Variants in LDAH observed in about 807,000 individuals in gnomAD.
The protein encoded by LDAH is lipid droplet-associated hydrolase.
Under a neutral mutation model 29.6 loss-of-function variants are expected in LDAH, and 26 were observed. The observed-to-expected ratio is 0.88, with a 90% CI of 0.64 to 1.22. LDAH has a LOEUF of 1.22. LDAH is among the 50% of genes most tolerant of loss of function. The pLI is 0.00. For missense variants in LDAH, 344 were observed against 387.3 expected, an observed-to-expected ratio of 0.89 and a Z score of 0.94; for synonymous variants, 117 against 133.0, an observed-to-expected ratio of 0.88 and a Z score of 0.83.
chr2:20,778,123 T>C (rs1198656689), intron 3 of LDAH, among the ~76,000 whole-genome samples: 4 of 152,204 alleles, frequency 2.6e-5, no homozygotes, highest in South Asian at 2.1e-4. Flanking sequence ...ATTGTATCTA[T>C]GCAGAAAGAG....
Position 20,688,828 on chromosome 2 carries a change from C to CT in LDAH, c.787-1735dup, listed in dbSNP as rs57543886. 2.1e-3 allele frequency among the ~76,000 whole-genome samples: 235 copies of CT among 111,986 alleles called. 1 individual carries two copies. The highest frequency in any genetic ancestry group is 0.018 in the East Asian group (68 of 3,808). The allele number at this position is 111,986 out of a possible 152,430, so 73.5% of individuals were successfully genotyped here. On this transcript the variant is annotated intron_variant, in intron 6 of 6. Coordinates refer to ENST00000237822, the MANE Select transcript of LDAH (RefSeq NM_021925.4). Reference sequence around the variant, plus strand: ...CTCTGAATTGCTTCATGGAGGTTTCCTTTTTTTTTTTTTTTTTTTTTTTTT... The same window carrying CT: ...CTCTGAATTGCTTCATGGAGGTTTCCTTTTTTTTTTTTTTTTTTTTTTTTTT...
rs925119613 is a variant in LDAH, at chr2:20,702,990, C to T, written c.704-1338G>A. 2.0e-5 allele frequency among the ~76,000 whole-genome samples: 3 copies of T among 152,180 alleles called. No individual in the cohort carries two copies. In the East Asian group the frequency reaches 5.8e-4, roughly 29 times the overall value. On this transcript the variant is annotated intron_variant, in intron 5 of 6. Transcript: ENST00000237822. Reference sequence around the variant, plus strand: ...TACAGGCATGCGCCACCACACTCCGCTAATTTTGTATTTTTAGTAGAGACA... The same window carrying T: ...TACAGGCATGCGCCACCACACTCCGTTAATTTTGTATTTTTAGTAGAGACA...
rs577920223 is a variant in LDAH at position 20,781,900 on chromosome 2, C to T, written c.299-6921G>A. On this transcript the variant is annotated intron_variant, in intron 3 of 6. Transcript: ENST00000237822. ...CTCATTAGGTAGCAAAGAACCCAGACTAATTACTAAGTTATTAACTCAATA... is the reference window on the plus strand; with the variant it reads ...CTCATTAGGTAGCAAAGAACCCAGATTAATTACTAAGTTATTAACTCAATA... 1.2e-3 allele frequency among the ~76,000 whole-genome samples: 177 copies of T among 152,264 alleles called. 3 individuals are homozygous for T. The highest frequency in any genetic ancestry group is 4.0e-3 in the African/African-American group (168 of 41,550).
intron 4 of LDAH, among the ~76,000 whole-genome samples, chr2:20,772,644 A>C (rs112977749): frequency 0.015 from 2,244 of 152,278 alleles, 56 homozygotes; most frequent in African/African-American, 0.051. Context: ...GAATACAGGA[A>C]ACGTGATGGG....
At chr2:20,715,961 C>A (rs2149386410) in intron 5 of LDAH, among the ~76,000 whole-genome samples, 1 of 152,072 alleles carries the variant, frequency 6.6e-6, no homozygotes, top group East Asian at 1.9e-4. Flanking sequence ...ATGCAGCCAA[C>A]AGACACATGA....
At chr2:20,708,510 C>T (rs2149367726) in intron 5 of LDAH, among the ~76,000 whole-genome samples, 1 of 152,208 alleles carries the variant, frequency 6.6e-6, no homozygotes, top group Middle Eastern at 3.4e-3. Context: ...GCATGCAATG[C>T]AAGAAAATAC....
intron 4 of LDAH, among the ~76,000 whole-genome samples, chr2:20,760,220 G>T (rs1668590203): frequency 6.6e-6 from 1 of 152,302 alleles, no homozygotes; most frequent in African/African-American, 2.4e-5. Flanking sequence ...GCAGGGAAAA[G>T]TGACAGGGGA....
In LDAH at chr2:20,698,604, C is replaced by T. The variant is rs1663676046; in HGVS notation, c.786+2966G>A. Among the ~76,000 whole-genome samples the T allele has an allele frequency of 6.6e-6, 1 of 151,978 alleles. No individual in the cohort carries two copies. The highest frequency in any genetic ancestry group is 1.5e-5 in the Non-Finnish European group (1 of 68,006). On this transcript the variant is annotated intron_variant, in intron 6 of 6. Transcript: ENST00000237822. The surrounding 1 kb of genome is among the most constrained non-coding windows in gnomAD (Gnocchi z 4.4). ...CTGAGGCAAGAAAATCGCTTGAACCCGGGAAGTGGAGGTTGCAGTGAGCCG... is the reference window on the plus strand; with the variant it reads ...CTGAGGCAAGAAAATCGCTTGAACCTGGGAAGTGGAGGTTGCAGTGAGCCG...
At chr2:20,728,985 T>A (rs1158906908) in intron 5 of LDAH, among the ~76,000 whole-genome samples, 1 of 152,238 alleles carries the variant, frequency 6.6e-6, no homozygotes, top group Non-Finnish European at 1.5e-5. Context: ...TGAAGACATG[T>A]AGCTGAATGT....
intron 5 of LDAH, among the ~76,000 whole-genome samples, chr2:20,726,667 A>C (rs1370436881): frequency 6.6e-6 from 1 of 152,238 alleles, no homozygotes; most frequent in East Asian, 1.9e-4. Flanking sequence ...TAATTCTCCC[A>C]TTCTAAACTT....
At chr2:20,805,320 T>C (rs1324309044) in intron 1 of LDAH, among the ~76,000 whole-genome samples, 1 of 152,176 alleles carries the variant, frequency 6.6e-6, no homozygotes, top group African/African-American at 2.4e-5. Flanking sequence ...GCTGTATAGC[T>C]TCCCCTGTAG....
chr2:20,813,778 C>A (rs1164382365), intron 1 of LDAH, among the ~76,000 whole-genome samples: 2 of 152,108 alleles, frequency 1.3e-5, no homozygotes, highest in South Asian at 4.1e-4. Flanking sequence ...ATATAAAATA[C>A]CTTACTCTTT....
intron 5 of LDAH, among the ~76,000 whole-genome samples, chr2:20,729,890 G>T (rs1475028135): frequency 6.6e-6 from 1 of 152,136 alleles, no homozygotes; most frequent in African/African-American, 2.4e-5. Flanking sequence ...TGAACTCCTA[G>T]GCTCAAGCGA....
intron 2 of LDAH, among the ~76,000 whole-genome samples, chr2:20,797,166 T>C (rs1312870336): frequency 6.6e-6 from 1 of 152,162 alleles, no homozygotes; most frequent in Non-Finnish European, 1.5e-5. Context: ...ACAAAGACTG[T>C]TACATCCTGG....
chr2:20,797,079 A>C (rs1342080016), intron 2 of LDAH, among the ~76,000 whole-genome samples: 3 of 152,230 alleles, frequency 2.0e-5, no homozygotes, highest in Non-Finnish European at 4.4e-5. Context: ...TGCCATGACT[A>C]TAATTTCAAA....
intron 1 of LDAH, among the ~76,000 whole-genome samples, chr2:20,818,785 T>C (rs1316530391): frequency 2.0e-5 from 3 of 152,148 alleles, no homozygotes; most frequent in Non-Finnish European, 2.9e-5. Context: ...AAATATTATA[T>C]AACACTAAAG....
At chr2:20,748,710 A>G (rs557732909) in intron 4 of LDAH, among the ~76,000 whole-genome samples, 163 of 152,360 alleles carry the variant, frequency 1.1e-3, no homozygotes, top group African/African-American at 3.7e-3. Context: ...TTCAGTGAAT[A>G]GTGAATAGCA....
At position 20,815,858 on chromosome 2, in the gene LDAH, G is replaced by A. The variant is rs531078003; in HGVS notation, c.-3+7179C>T. The stretch of plus-strand genomic sequence containing the variant: ...GAACACTGGAACGGGTAATAGTCAT[G>A]GTAAATATAAAATGAACTATTCTTC... On this transcript the variant is annotated intron_variant, in intron 1 of 6. Transcript: ENST00000237822. Among the ~76,000 whole-genome samples the A allele has an allele frequency of 1.3e-3, 200 of 152,092 alleles. 4 individuals carry two copies. The highest frequency in any genetic ancestry group is 3.5e-3 in the South Asian group (17 of 4,816).
chr2:20,690,928 T>A (rs1181665820), intron 6 of LDAH, among the ~76,000 whole-genome samples: 1 of 152,124 alleles, frequency 6.6e-6, no homozygotes, highest in African/African-American at 2.4e-5. Flanking sequence ...TGTATCTATA[T>A]TTTACAGAAA....
Sources: allele counts gnomAD v4.1 joint callset (sites outside exome capture counted in the v4.1 genomes callset), GRCh38; gene constraint gnomAD v4.1.1; non-coding constraint Gnocchi (gnomAD v3.1); transcripts MANE v1.5; gene names NCBI Gene and HGNC (gene_info 2026-07-23, HGNC 2026-07-21).